STK39: variants seen among roughly 807,000 people sequenced by gnomAD.
The protein encoded by STK39 is STE20/SPS1-related proline-alanine-rich protein kinase.
A neutral mutation model predicts 77.8 loss-of-function variants in STK39; 20 were observed. That is an observed-to-expected ratio of 0.26 (90% CI 0.18 to 0.37). STK39 has a LOEUF of 0.37. Ranked by LOEUF, STK39 falls within the 10% of genes least tolerant of loss-of-function variation. STK39 has a pLI of 1.00. For missense variants in STK39, 479 were observed against 656.5 expected (o/e 0.73, Z 2.95); for synonymous variants, 246 against 234.1 (o/e 1.05, Z -0.47).
intron 5 of STK39, among the ~76,000 whole-genome samples, chr2:168,157,607 G>C (rs747296827): frequency 5.9e-5 from 9 of 152,088 alleles, no homozygotes; most frequent in Non-Finnish European, 1.3e-4. Flanking sequence ...TCCTCACATG[G>C]TAGAAGGGCA....
intron 16 of STK39, among the ~76,000 whole-genome samples, chr2:167,971,858 T>C (rs1692354969): frequency 6.6e-6 from 1 of 152,220 alleles, no homozygotes; most frequent in African/African-American, 2.4e-5. Flanking sequence ...TAAAAATGGA[T>C]TAAACAAGAC....
Position 168,247,061 on chromosome 2 carries a change from TAAAAAAAAA to T in STK39, c.208+158_208+166del, listed in dbSNP as rs755613797. Among the ~76,000 whole-genome samples, 615 of 89,302 alleles carry T rather than the reference TAAAAAAAAA, an allele frequency of 6.9e-3. 14 individuals are homozygous for T. The highest frequency in any genetic ancestry group is 0.026 in the African/African-American group (559 of 21,738). 58.6% of individuals were successfully genotyped at this position (89,302 alleles called of 152,430 possible). ...TAGAACGAACAAATACATTAAAAATTAAAAAAAAAAAAAAAAAAAAAAAAAAAACTGTTG... is the reference window on the plus strand; with the variant it reads ...TAGAACGAACAAATACATTAAAAATTAAAAAAAAAAAAAAAAAAACTGTTG... On this transcript the variant is annotated intron_variant, in intron 1 of 17. Transcript: ENST00000355999.
Position 168,063,536 on chromosome 2 carries a change from G to C in STK39, c.1340C>G (p.Ala447Gly). 6.2e-7 allele frequency: 1 copy of C among 1,613,216 alleles called. No homozygotes were observed. Among genetic ancestry groups the C allele is most frequent in the Non-Finnish European group, 8.5e-7 (1 of 1,179,496 alleles). ...PPNANEDYRE[A>G]SSCAVNLVLR... ...AACGAGGTTCACGGCACAAGAAGAA[G>C]CTTCTCTGTAGTCTTCATTAGCATT... The change falls in exon 14 of 18, where the codon GCT becomes GGT. Residue 447 changes from alanine (A) to glycine (G), a missense_variant. By Grantham distance (60) the Ala-to-Gly change is moderately conservative. Coordinates refer to ENST00000355999, the MANE Select transcript of STK39 (RefSeq NM_013233.3).
intron 1 of STK39, among the ~76,000 whole-genome samples, chr2:168,242,546 CAAAAA>C (rs1186813675): frequency 4.0e-4 from 7 of 17,540 alleles, no homozygotes; most frequent in African/African-American, 1.2e-3. Flanking sequence ...AAGACTCTTA[CAAAAA>C]AAAAAAAAAA....
At chr2:168,088,115 C>T (rs567849982) in intron 10 of STK39, among the ~76,000 whole-genome samples, 5 of 152,228 alleles carry the variant, frequency 3.3e-5, no homozygotes, top group African/African-American at 1.2e-4. Context: ...AATGGAAACT[C>T]CATTCAGACT....
At chr2:168,229,322 T>G (rs553892085) in intron 1 of STK39, among the ~76,000 whole-genome samples, 3 of 151,152 alleles carry the variant, frequency 2.0e-5, no homozygotes, top group Non-Finnish European at 4.4e-5. Context: ...GAGGCGGAGG[T>G]TGCAGTAAGC....
At chr2:168,219,286 CAA>C (rs113656169) in intron 1 of STK39, among the ~76,000 whole-genome samples, 4 of 134,028 alleles carry the variant, frequency 3.0e-5, no homozygotes, top group Admixed American at 7.6e-5. Context: ...ACTCTTGTTT[CAA>C]AAAAAAAAAA....
rs146830928 is a variant in STK39, at chr2:168,005,798, C to T, written c.1498+6836G>A. 4.9e-4 allele frequency among the ~76,000 whole-genome samples: 75 copies of T among 152,240 alleles called. 1 individual carries two copies. The highest frequency in any genetic ancestry group is 1.8e-3 in the African/African-American group (74 of 41,544). On this transcript the variant is annotated intron_variant, in intron 16 of 17. Coordinates refer to ENST00000355999, the MANE Select transcript of STK39 (RefSeq NM_013233.3). The stretch of plus-strand genomic sequence containing the variant: ...GTGGGGTGTCAGGCAGCAGAGGAGG[C>T]TTCATGATGGTGACATGTATGGTAA...
rs749771452 is a variant in STK39 at position 168,157,894 on chromosome 2, C to T, written c.628+3893G>A. Among the ~76,000 whole-genome samples, 13 of 152,136 alleles carry T rather than the reference C, an allele frequency of 8.5e-5. No homozygotes were observed. In the South Asian group the frequency reaches 1.2e-3, roughly 15 times the overall value. On this transcript the variant is annotated intron_variant, in intron 5 of 17. Coordinates refer to ENST00000355999, the MANE Select transcript of STK39 (RefSeq NM_013233.3). ...TATAAATCAAAGGTGTTGAAATCAACATTTTTATAGAACATCAAGAGTAGC... is the reference window on the plus strand; with the variant it reads ...TATAAATCAAAGGTGTTGAAATCAATATTTTTATAGAACATCAAGAGTAGC...
At chr2:168,018,428 T>G (rs1397678117) in intron 14 of STK39, among the ~76,000 whole-genome samples, 1 of 150,496 alleles carries the variant, frequency 6.6e-6, no homozygotes. Flanking sequence ...ACCCGGCAGG[T>G]ATTGCAGTTA....
intron 14 of STK39, among the ~76,000 whole-genome samples, chr2:168,019,985 G>A (rs1414776648): frequency 6.6e-6 from 1 of 152,148 alleles, no homozygotes; most frequent in Non-Finnish European, 1.5e-5. Flanking sequence ...GATTACAGGT[G>A]TAAGCCACTG....
intron 5 of STK39, among the ~76,000 whole-genome samples, chr2:168,145,780 T>TA (rs1056697475): frequency 3.0e-4 from 45 of 152,164 alleles, no homozygotes; most frequent in Admixed American, 2.7e-3. Context: ...GGGGTTCTGA[T>TA]AGCACTCGAC....
rs34695553 is a variant in STK39 at position 168,229,384 on chromosome 2, CA to C, written c.208+17843del. Among the ~76,000 whole-genome samples the C allele has an allele frequency of 6.2e-3, 797 of 129,502 alleles. 3 individuals carry two copies. Among genetic ancestry groups the C allele is most frequent in the African/African-American group, 0.017 (568 of 33,962 alleles). The allele number at this position is 129,502 out of a possible 152,430, so 85.0% of individuals were successfully genotyped here. A position where few individuals can be genotyped will look rare whatever the true frequency, so the allele number is the denominator to read the frequency against. On this transcript the variant is annotated intron_variant, in intron 1 of 17. Transcript: ENST00000355999. ...TGGGTGACAGAGCAAGACTCTGACT[CA>C]AAAAAAAAAAAAAATTAAAAGGTAT... is the stretch of plus-strand genomic sequence containing the variant.
In STK39 at chr2:168,016,871, T is replaced by A. The variant is rs1014476266; in HGVS notation, c.1429+172A>T. On this transcript the variant is annotated intron_variant, in intron 15 of 17. Coordinates refer to ENST00000355999, the MANE Select transcript of STK39 (RefSeq NM_013233.3). ...CTGAGATTCATGTAGTCAGCTGTGG[T>A]TTGGTTTGGAATCCTTAGAAGTATC... Among the ~76,000 whole-genome samples the A allele has an allele frequency of 3.9e-5, 6 of 152,190 alleles. No homozygotes were observed. In the East Asian group the frequency reaches 1.2e-3, roughly 29 times the overall value.
intron 10 of STK39, among the ~76,000 whole-genome samples, chr2:168,086,213 G>T (rs532055825): frequency 7.2e-5 from 11 of 152,068 alleles, no homozygotes; most frequent in African/African-American, 2.7e-4. Flanking sequence ...TTAATAGGTC[G>T]TATTTGGCAG....
chr2:168,121,986 T>C (rs1017593390), intron 10 of STK39, among the ~76,000 whole-genome samples: 1 of 152,208 alleles, frequency 6.6e-6, no homozygotes, highest in Non-Finnish European at 1.5e-5. Flanking sequence ...GCACCTCCAC[T>C]TCCTGCCTAA....
At chr2:168,081,942 T>C (rs901457367) in intron 10 of STK39, among the ~76,000 whole-genome samples, 1 of 152,190 alleles carries the variant, frequency 6.6e-6, no homozygotes, top group Non-Finnish European at 1.5e-5. Context: ...CCTAGCCACA[T>C]GGAACTATAA....
chr2:168,066,151 A>T (rs1685789148), intron 12 of STK39, among the ~76,000 whole-genome samples: 1 of 152,252 alleles, frequency 6.6e-6, no homozygotes, highest in Admixed American at 6.5e-5. Context: ...TTGTGAGAAG[A>T]GCTTTCTAAA....
At chr2:168,225,893 C>A (rs574232780) in intron 1 of STK39, among the ~76,000 whole-genome samples, 92 of 152,198 alleles carry the variant, frequency 6.0e-4, no homozygotes, top group African/African-American at 2.2e-3. Context: ...TTAGGGCAGT[C>A]AGGTGTTCTA....
Sources: gnomAD v4.1 joint callset for allele counts (sites outside exome capture counted in the v4.1 genomes callset) on GRCh38, gnomAD v4.1.1 for gene constraint, MANE v1.5 for transcripts, NCBI Gene and HGNC (gene_info 2026-07-23, HGNC 2026-07-21) for gene names.